The following MID1 variants were observed in gnomAD, a reference collection of about 807,000 sequenced individuals.
The protein encoded by MID1 is E3 ubiquitin-protein ligase Midline-1.
A neutral mutation model predicts 40.4 loss-of-function variants in MID1; 7 were observed. The ratio of observed to expected loss-of-function variants is 0.17; its 90% confidence interval spans 0.10 to 0.33. The LOEUF (loss-of-function observed/expected upper bound fraction) is 0.33. Ranked by LOEUF, MID1 falls within the 10% of genes least tolerant of loss-of-function variation. The pLI is 1.00. For synonymous variants in MID1, 229 were observed against 221.2 expected, an observed-to-expected ratio of 1.04 and a Z score of -0.31; for missense variants, 367 against 558.5, an observed-to-expected ratio of 0.66 and a Z score of 3.46.
chrX:10,783,111 T>A (rs941345467), intron 1 of MID1, among the ~76,000 whole-genome samples: 6 of 112,006 alleles, frequency 5.4e-5, no homozygotes, highest in African/African-American at 1.9e-4. Flanking sequence ...GTATTTAATT[T>A]AATTCAAATC....
In MID1 at chrX:10,760,060, AT is replaced by A. The variant is rs773900515; in HGVS notation, c.-187+73493del. 3.6e-5 allele frequency among the ~76,000 whole-genome samples: 4 copies of A among 111,545 alleles called. No homozygotes were observed. The South Asian group carries it at 1.1e-3, about 32-fold the overall frequency. ...AAATCCTCATACCGTTCTGAGAAGC[AT>A]TTTTTCCAACCAATCTGATTTTGGA... On this transcript the variant is annotated intron_variant, in intron 1 of 10. Transcript: ENST00000380785.
chrX:10,730,612 C>G (rs2043439570), intron 1 of MID1, among the ~76,000 whole-genome samples: 1 of 98,465 alleles, frequency 1.0e-5, no homozygotes, highest in South Asian at 5.0e-4. Context: ...CGCTCTGTTG[C>G]CCAGGCTGGA....
chrX:10,734,497 G>A (rs1353782397), intron 1 of MID1, among the ~76,000 whole-genome samples: 2 of 108,714 alleles, frequency 1.8e-5, no homozygotes, highest in African/African-American at 6.7e-5. Flanking sequence ...CCCATGACAC[G>A]TGTTTACCTA....
At chrX:10,621,023 A>T (rs1281295147), upstream of MID1, among the ~76,000 whole-genome samples, 1 of 112,156 alleles carries the variant, frequency 8.9e-6, no homozygotes, top group Non-Finnish European at 1.9e-5. Context: ...TCCAGAAAGG[A>T]GGGTGTTACC....
intron 1 of MID1, among the ~76,000 whole-genome samples, chrX:10,692,070 G>A (rs1396642789): frequency 1.8e-5 from 2 of 111,871 alleles, no homozygotes; most frequent in Non-Finnish European, 3.8e-5. Flanking sequence ...CTGTTAAGAT[G>A]TTTATCAAGA....
intron 1 of MID1, among the ~76,000 whole-genome samples, chrX:10,626,209 T>C (rs1388486895): frequency 9.0e-6 from 1 of 110,862 alleles, no homozygotes; most frequent in African/African-American, 3.3e-5. Context: ...TCATCTTCCC[T>C]TTGCTTCTTT....
intron 7 of MID1, 36 bp downstream of exon 7, chrX:10,469,661 C>T (rs1290160687): frequency 9.9e-6 from 12 of 1,209,697 alleles, no homozygotes; most frequent in Non-Finnish European, 1.3e-5. Context: ...AAGAAAGCCA[C>T]CAAAGACAGA....
chrX:10,570,164 T>A (rs1286135367), intron 1 of MID1, among the ~76,000 whole-genome samples: 1 of 111,424 alleles, frequency 9.0e-6, no homozygotes, highest in Non-Finnish European at 1.9e-5. Context: ...CGCTACCCAC[T>A]CCTTTCTCTG....
intron 1 of MID1, among the ~76,000 whole-genome samples, chrX:10,670,644 A>C (rs1051376665): frequency 1.8e-5 from 2 of 112,185 alleles, no homozygotes; most frequent in Non-Finnish European, 3.8e-5. Flanking sequence ...GCATTTAAAA[A>C]TTTTATTCAA....
chrX:10,521,940 G>A lies in MID1; in HGVS notation c.756+1152C>T, dbSNP rs1335173281. On this transcript the variant is annotated intron_variant, in intron 3 of 9. Transcript: ENST00000317552. Reference sequence around the variant, plus strand: ...CTGCAGCCTCGATTTCCCAGGCTTGGGTGATCCTCCCACCTCAGCCTCCCA... The same window carrying A: ...CTGCAGCCTCGATTTCCCAGGCTTGAGTGATCCTCCCACCTCAGCCTCCCA... Among the ~76,000 whole-genome samples, 7 of 111,688 alleles carry A rather than the reference G, an allele frequency of 6.3e-5. No homozygotes were observed. In the Admixed American group the frequency reaches 6.6e-4, roughly 11 times the overall value.
At chrX:10,466,986 C>A (rs1445287597) in intron 7 of MID1, among the ~76,000 whole-genome samples, 1 of 111,346 alleles carries the variant, frequency 9.0e-6, no homozygotes, top group African/African-American at 3.3e-5. Flanking sequence ...TATAATTCCC[C>A]GTGTGTGGAA....
At chrX:10,793,576 G>T (rs1232758056) in intron 1 of MID1, among the ~76,000 whole-genome samples, 1 of 111,954 alleles carries the variant, frequency 8.9e-6, no homozygotes, top group Non-Finnish European at 1.9e-5. Flanking sequence ...TTGCCAGAGA[G>T]ATCTATTTAA....
chrX:10,818,974 C>A (rs1207429313), intron 1 of MID1, among the ~76,000 whole-genome samples: 2 of 111,952 alleles, frequency 1.8e-5, no homozygotes, highest in Non-Finnish European at 3.8e-5. Flanking sequence ...CATCACAGGG[C>A]ATTCAATAGC....
At chrX:10,713,851 C>T (rs1167231986) in intron 1 of MID1, among the ~76,000 whole-genome samples, 1 of 111,611 alleles carries the variant, frequency 9.0e-6, no homozygotes, top group East Asian at 2.8e-4. Context: ...GATGGGGCAC[C>T]CTCTCTTGAT....
intron 1 of MID1, among the ~76,000 whole-genome samples, chrX:10,575,739 T>C (rs912632761): frequency 9.0e-6 from 1 of 111,179 alleles, no homozygotes; most frequent in Non-Finnish European, 1.9e-5. Flanking sequence ...AACTGCATTC[T>C]GAAAGACTGG....
intron 1 of MID1, among the ~76,000 whole-genome samples, chrX:10,632,129 C>A (rs891173322): frequency 9.8e-5 from 11 of 111,845 alleles, no homozygotes; most frequent in Admixed American, 9.5e-4. Context: ...TTATTTAGGG[C>A]ATGTTTTCAG....
chrX:10,514,840 C>T (rs991288116), intron 3 of MID1, among the ~76,000 whole-genome samples: 1 of 111,552 alleles, frequency 9.0e-6, no homozygotes, highest in African/African-American at 3.3e-5. Flanking sequence ...GAGCCTATTA[C>T]ATGGAGAGCC....
intron 1 of MID1, among the ~76,000 whole-genome samples, chrX:10,782,781 G>A (rs112545560): frequency 0.044 from 4,890 of 111,663 alleles, 235 homozygotes; most frequent in African/African-American, 0.15. Context: ...ATATGTATCA[G>A]TATATGATCA....
chrX:10,546,590 A>C (rs1933691181), intron 2 of MID1, among the ~76,000 whole-genome samples: 1 of 111,918 alleles, frequency 8.9e-6, no homozygotes, highest in Admixed American at 9.5e-5. Context: ...AGATCAGTTC[A>C]ATCTTCAGCA....
Sources: allele counts gnomAD v4.1 joint callset (sites outside exome capture counted in the v4.1 genomes callset), GRCh38; gene constraint gnomAD v4.1.1; transcripts MANE v1.5; gene names NCBI Gene and HGNC (gene_info 2026-07-23, HGNC 2026-07-21).